The following CDH4 variants were observed in gnomAD, a reference collection of about 807,000 sequenced individuals.
CDH4 encodes cadherin-4.
In CDH4, 33 loss-of-function variants were observed where a neutral mutation model predicts 86.0. The ratio of observed to expected loss-of-function variants is 0.38; its 90% CI spans 0.29 to 0.51. The LOEUF (loss-of-function observed/expected upper bound fraction) is 0.51, where lower values mean the gene tolerates loss of function less well. Among genes scored for constraint, CDH4 ranks in the 20% least tolerant of loss-of-function variants. The pLI, the probability that CDH4 is intolerant of heterozygous loss-of-function variation, is 0.86. For missense variants in CDH4, 1,114 were observed against 1,307.4 expected (o/e 0.85, Z 2.28); for synonymous variants, 555 against 549.4 (o/e 1.01, Z -0.14).
intron 9 of CDH4, among the ~76,000 whole-genome samples, chr20:61,915,004 G>A: frequency 6.6e-6 from 1 of 152,176 alleles, no homozygotes; most frequent in Non-Finnish European, 1.5e-5. Context: ...GCCCCAATGT[G>A]ATCAGCTACA....
At chr20:61,699,881 G>A (rs2087756575) in intron 2 of CDH4, among the ~76,000 whole-genome samples, 2 of 152,318 alleles carry the variant, frequency 1.3e-5, no homozygotes, top group East Asian at 3.9e-4. Flanking sequence ...TGCATGGGCT[G>A]GCAATGGCTG....
chr20:61,358,468 A>C (rs1043096166), intron 2 of CDH4, among the ~76,000 whole-genome samples: 1 of 152,222 alleles, frequency 6.6e-6, no homozygotes, highest in Non-Finnish European at 1.5e-5. Context: ...CATTTCATAA[A>C]TATTGGTTGA....
Position 61,320,578 on chromosome 20 carries a change from T to C in CDH4, c.169+65641T>C, listed in dbSNP as rs147965897. 4.6e-5 allele frequency among the ~76,000 whole-genome samples: 7 copies of C among 151,808 alleles called. No individual in the cohort carries two copies. In the East Asian group the frequency reaches 1.2e-3, roughly 25 times the overall value. On this transcript the variant is annotated intron_variant, in intron 2 of 15. Transcript: ENST00000614565. ...GAGCACTTGGCAATATCTGGAGACA[T>C]TGATGTTTGTGAGTGGGGGATGGGG...
intron 2 of CDH4, among the ~76,000 whole-genome samples, chr20:61,359,248 G>A (rs1237208751): frequency 6.6e-6 from 1 of 152,158 alleles, no homozygotes; most frequent in African/African-American, 2.4e-5. Context: ...CTGTGTCGTT[G>A]GCTCACTTCC....
rs74675855 is a variant in CDH4 at position 61,261,700 on chromosome 20, C to T, written c.169+6763C>T. On this transcript the variant is annotated intron_variant, in intron 2 of 15. Coordinates refer to ENST00000614565, the MANE Select transcript of CDH4 (RefSeq NM_001794.5). The stretch of plus-strand genomic sequence containing the variant: ...AGATGGTTTTAGAGCACCACTGTCA[C>T]GTGCAGACAGGATCGGACCCAGATG... 2.7e-3 allele frequency among the ~76,000 whole-genome samples: 407 copies of T among 152,290 alleles called. 5 individuals carry two copies. The highest frequency in any genetic ancestry group is 9.0e-3 in the African/African-American group (376 of 41,556).
intron 2 of CDH4, among the ~76,000 whole-genome samples, chr20:61,530,775 G>A (rs573517169): frequency 7.2e-5 from 11 of 152,168 alleles, no homozygotes; most frequent in African/African-American, 1.7e-4. Context: ...ACAACAGAAC[G>A]AGTGAGGGCA....
intron 2 of CDH4, among the ~76,000 whole-genome samples, chr20:61,629,641 C>T (rs780245689): frequency 3.9e-5 from 6 of 152,186 alleles, no homozygotes; most frequent in Non-Finnish European, 8.8e-5. Flanking sequence ...TCACTTAAGG[C>T]GGCCGCGGTT....
intron 2 of CDH4, among the ~76,000 whole-genome samples, chr20:61,535,012 A>T (rs1398995527): frequency 1.3e-5 from 2 of 152,128 alleles, no homozygotes; most frequent in African/African-American, 4.8e-5. Flanking sequence ...AATCAAATAG[A>T]TGAATTCCCT....
rs753421589 is a variant in CDH4 at position 61,933,097 on chromosome 20, C to T, written c.2352C>T (p.Asp784=). Residue 784 remains aspartate, a synonymous_variant, in exon 14 of 16, where the codon GAC becomes GAT. Transcript: ENST00000614565. The stretch of plus-strand genomic sequence containing the variant: ...TCCGCGACAACATCCTCAAGTATGA[C>T]GAGGAAGGCGGTGGCGAGGAGGACC... ...DDVRDNILKY[D]EEGGGEEDQD... The T allele has an allele frequency of 6.8e-6, 11 of 1,612,942 alleles. No homozygotes were observed. The highest frequency in any genetic ancestry group is 7.6e-6 in the Non-Finnish European group (9 of 1,179,948).
At chr20:61,794,846 A>G (rs1366802063) in intron 4 of CDH4, among the ~76,000 whole-genome samples, 1 of 152,174 alleles carries the variant, frequency 6.6e-6, no homozygotes, top group Non-Finnish European at 1.5e-5. Context: ...CACTGTGGGC[A>G]TTTTAGGATG....
At chr20:61,525,268 G>A (rs558477020) in intron 2 of CDH4, among the ~76,000 whole-genome samples, 3 of 152,312 alleles carry the variant, frequency 2.0e-5, no homozygotes, top group South Asian at 2.1e-4. Context: ...TGTGGTTTTG[G>A]AAGAGCTTCC....
chr20:61,334,118 C>T (rs2084603451), intron 2 of CDH4, among the ~76,000 whole-genome samples: 1 of 152,214 alleles, frequency 6.6e-6, no homozygotes. Flanking sequence ...CCACTGACCA[C>T]AGTAAGCCTC....
intron 2 of CDH4, among the ~76,000 whole-genome samples, chr20:61,257,473 G>A (rs2084105004): frequency 6.6e-6 from 1 of 152,240 alleles, no homozygotes; most frequent in South Asian, 2.1e-4. Flanking sequence ...CGCGAAGTAT[G>A]GAAATGCGGG....
At chr20:61,566,871 G>A (rs372729313) in intron 2 of CDH4, among the ~76,000 whole-genome samples, 8 of 152,172 alleles carry the variant, frequency 5.3e-5, no homozygotes, top group South Asian at 2.1e-4. Flanking sequence ...GGAGGCTGCC[G>A]ATGGCACGCG....
chr20:61,579,891 A>G (rs1291551073), intron 2 of CDH4, among the ~76,000 whole-genome samples: 1 of 152,108 alleles, frequency 6.6e-6, no homozygotes, highest in Non-Finnish European at 1.5e-5. Context: ...CCAAAAATGT[A>G]CTGCCTTTTT....
In CDH4 at chr20:61,848,915, G is replaced by A. The variant is rs59826764; in HGVS notation, c.733-3839G>A. 8.9e-3 allele frequency among the ~76,000 whole-genome samples: 1,357 copies of A among 152,220 alleles called. 32 individuals carry two copies. In the East Asian group the frequency reaches 0.1, roughly 12 times the overall value. ...ATGAGAAATGCAGTCATCCCACATC[G>A]CCAGCATCTCTTGCTGCCTCCTGCA... On this transcript the variant is annotated intron_variant, in intron 5 of 15. Coordinates refer to ENST00000614565, the MANE Select transcript of CDH4 (RefSeq NM_001794.5).
intron 2 of CDH4, among the ~76,000 whole-genome samples, chr20:61,529,802 CTG>C (rs1212604399): frequency 6.6e-6 from 1 of 152,104 alleles, no homozygotes; most frequent in African/African-American, 2.4e-5. Flanking sequence ...GAAGAGCTGT[CTG>C]ATGGGTGGAA....
At chr20:61,726,808 A>G (rs1209158436) in intron 2 of CDH4, among the ~76,000 whole-genome samples, 1 of 149,614 alleles carries the variant, frequency 6.7e-6, no homozygotes, top group Admixed American at 6.6e-5. Context: ...TGCCATCATC[A>G]CCATTGCTGC....
chr20:61,594,503 T>C (rs1218965907), intron 2 of CDH4, among the ~76,000 whole-genome samples: 1 of 151,826 alleles, frequency 6.6e-6, no homozygotes, highest in Admixed American at 6.6e-5. Context: ...GCAGCCGGGG[T>C]TTCCAAAACG....
Sources: allele counts gnomAD v4.1 joint callset (sites outside exome capture counted in the v4.1 genomes callset), GRCh38; gene constraint gnomAD v4.1.1; transcripts MANE v1.5; gene names NCBI Gene and HGNC (gene_info 2026-07-23, HGNC 2026-07-21).